Variants in NALCN observed in about 807,000 individuals in gnomAD.
NALCN encodes the protein sodium leak channel, non-selective.
A neutral mutation model predicts 225.3 loss-of-function variants in NALCN; 111 were observed. The ratio of observed to expected loss-of-function variants is 0.49; its 90% CI spans 0.42 to 0.58. The LOEUF (loss-of-function observed/expected upper bound fraction) is 0.58, where lower values mean the gene tolerates loss of function less well. Ranked by LOEUF, NALCN falls within the 20% of genes least tolerant of loss-of-function variation. The pLI is 0.00. For synonymous variants in NALCN, 764 were observed against 769.0 expected (o/e 0.99, Z 0.11); for missense variants, 1,378 against 2,202.4 (o/e 0.63, Z 7.49).
intron 11 of NALCN, among the ~76,000 whole-genome samples, chr13:101,240,825 G>A (rs750778884): frequency 1.3e-5 from 2 of 152,016 alleles, no homozygotes; most frequent in African/African-American, 2.4e-5. Flanking sequence ...TAACACAAAA[G>A]CTCCTGATGT....
At chr13:101,222,523 T>G (rs1219116892) in intron 13 of NALCN, among the ~76,000 whole-genome samples, 1 of 152,092 alleles carries the variant, frequency 6.6e-6, no homozygotes, top group East Asian at 1.9e-4. Flanking sequence ...CAGACTGGTT[T>G]ATAGATGGCA....
intron 13 of NALCN, among the ~76,000 whole-genome samples, chr13:101,199,203 G>A (rs1178509156): frequency 2.6e-5 from 4 of 151,812 alleles, no homozygotes; most frequent in Non-Finnish European, 5.9e-5. Context: ...ACAAGTTAAT[G>A]GGTACAGCAC....
intron 37 of NALCN, among the ~76,000 whole-genome samples, chr13:101,070,996 A>G (rs1481749380): frequency 6.6e-6 from 1 of 151,916 alleles, no homozygotes; most frequent in Admixed American, 6.6e-5. Flanking sequence ...GGGGGGAAAA[A>G]CCTCTTATAA....
intron 7 of NALCN, among the ~76,000 whole-genome samples, chr13:101,322,506 C>A (rs921380805): frequency 6.6e-6 from 1 of 152,092 alleles, no homozygotes; most frequent in Non-Finnish European, 1.5e-5. Context: ...TATTTTTAAA[C>A]AGACTATCAA....
At chr13:101,166,819 T>G (rs796424107) in intron 15 of NALCN, among the ~76,000 whole-genome samples, 8 of 152,348 alleles carry the variant, frequency 5.3e-5, no homozygotes, top group African/African-American at 1.7e-4. Context: ...AGCTTTTGCC[T>G]TGTTTTCTTC....
chr13:101,241,074 A>G (rs547287671), intron 11 of NALCN, among the ~76,000 whole-genome samples: 68 of 152,322 alleles, frequency 4.5e-4, no homozygotes, highest in African/African-American at 1.6e-3. Context: ...GAATTAGCAC[A>G]CCTTTAAAAG....
intron 15 of NALCN, 125 bp downstream of exon 15, chr13:101,176,175 C>T: frequency 1.9e-6 from 1 of 536,326 alleles, no homozygotes; most frequent in East Asian, 3.5e-5. Flanking sequence ...CATTTTACCA[C>T]CTTCGATAGC....
intron 15 of NALCN, among the ~76,000 whole-genome samples, chr13:101,164,050 T>C (rs932133356): frequency 2.0e-5 from 3 of 152,112 alleles, no homozygotes; most frequent in East Asian, 1.9e-4. Context: ...AACAGTCATA[T>C]TGAGTCCACC....
chr13:101,254,396 G>A lies in NALCN; in HGVS notation c.1266+4047C>T, dbSNP rs1482554946. On this transcript the variant is annotated intron_variant, in intron 11 of 43. Transcript: ENST00000251127. ...AAAAAAAAAAAAAAAAAAAAAAGGA[G>A]ACAAAAACAACAACAAAAAAACCCC... Among the ~76,000 whole-genome samples the A allele has an allele frequency of 4.0e-4, 49 of 123,680 alleles. 1 individual carries two copies. Among genetic ancestry groups the A allele is most frequent in the Middle Eastern group, 4.3e-3 (1 of 230 alleles). The allele number at this position is 123,680 out of a possible 152,430, so 81.1% of individuals were successfully genotyped here.
intron 6 of NALCN, among the ~76,000 whole-genome samples, chr13:101,361,832 A>C (rs1160825069): frequency 6.6e-6 from 1 of 152,172 alleles, no homozygotes; most frequent in African/African-American, 2.4e-5. Flanking sequence ...ACATATGATC[A>C]AAAGATGGAT....
intron 7 of NALCN, among the ~76,000 whole-genome samples, chr13:101,322,342 A>G (rs1467771457): frequency 6.6e-6 from 1 of 152,226 alleles, no homozygotes; most frequent in Non-Finnish European, 1.5e-5. Context: ...TTATTTGACA[A>G]TGTACAATGC....
At position 101,107,595 on chromosome 13, in the gene NALCN, T is replaced by G. The variant is rs1296972446; in HGVS notation, c.2471A>C (p.Glu824Ala). ...QAEMKRKVQEEELRENHPYFD... is the reference protein window; with the variant it reads ...QAEMKRKVQEAELRENHPYFD... ...GTATGGGTGGTTCTCTCTGAGTTCC[T>G]CTTCTTGCACTTTCCTTGAAGGAGA... Residue 824 changes from glutamate (E) to alanine (A), a missense_variant, in exon 22 of 44, where the codon GAG becomes GCG. This residue lies in a region of NALCN where 292 missense variants were observed against 409.5 expected (regional missense o/e 0.71). Transcript: ENST00000251127. 5.6e-6 allele frequency: 9 copies of G among 1,614,110 alleles called. No homozygotes were observed. The highest frequency in any genetic ancestry group is 7.6e-6 in the Non-Finnish European group (9 of 1,179,962).
chr13:101,341,804 C>A (rs1040529464), intron 7 of NALCN, among the ~76,000 whole-genome samples: 3 of 152,162 alleles, frequency 2.0e-5, no homozygotes, highest in Non-Finnish European at 4.4e-5. Context: ...GAATTTCTAA[C>A]CCCCATGGGG....
chr13:101,063,656 C>T (rs1050317290), intron 40 of NALCN, among the ~76,000 whole-genome samples: 1 of 152,112 alleles, frequency 6.6e-6, no homozygotes, highest in African/African-American at 2.4e-5. Context: ...GGTGGAAGAA[C>T]TGGATAGTGG....
At chr13:101,086,291 G>C (rs2033926957) in intron 30 of NALCN, among the ~76,000 whole-genome samples, 1 of 151,746 alleles carries the variant, frequency 6.6e-6, no homozygotes, top group African/African-American at 2.4e-5. Context: ...TTTAACTTGT[G>C]ATTCTTCTTT....
chr13:101,121,636 G>A (rs1393558636), intron 18 of NALCN, among the ~76,000 whole-genome samples: 1 of 152,188 alleles, frequency 6.6e-6, no homozygotes, highest in South Asian at 2.1e-4. Context: ...TAAAACGGCA[G>A]TCTCTTCCAG....
intron 1 of NALCN, among the ~76,000 whole-genome samples, chr13:101,414,040 T>C (rs9513894): frequency 0.75 from 112,912 of 150,374 alleles, 43,195 homozygotes; most frequent in African/African-American, 0.88. Context: ...TGTACACCAC[T>C]ACACTTGGTG....
chr13:101,228,734 A>G (rs1240789317), intron 13 of NALCN, among the ~76,000 whole-genome samples: 3 of 152,242 alleles, frequency 2.0e-5, no homozygotes, highest in Non-Finnish European at 4.4e-5. Flanking sequence ...AATACACCAT[A>G]TAATAGGCCT....
At chr13:101,154,345 G>A (rs899912755) in intron 15 of NALCN, among the ~76,000 whole-genome samples, 2 of 152,128 alleles carry the variant, frequency 1.3e-5, no homozygotes, top group Admixed American at 1.3e-4. Flanking sequence ...ACACTTTCAA[G>A]CAATTGGTAC....
Sources: allele counts gnomAD v4.1 joint callset (sites outside exome capture counted in the v4.1 genomes callset), GRCh38; gene constraint gnomAD v4.1.1; regional missense constraint gnomAD v4.1.1; transcripts MANE v1.5; gene names NCBI Gene and HGNC (gene_info 2026-07-23, HGNC 2026-07-21).